Variants in ME1 observed in about 807,000 individuals in gnomAD.
The protein encoded by ME1 is NADP-dependent malic enzyme.
ME1 carries 74 observed loss-of-function variants against 66.4 expected under a neutral mutation model. The observed-to-expected ratio is 1.11, with a 90% CI of 0.92 to 1.35. The LOEUF (loss-of-function observed/expected upper bound fraction) is 1.35, where lower values mean the gene tolerates loss of function less well. Ranked by LOEUF, ME1 falls within the 40% of genes most tolerant of loss-of-function variation. The pLI, the probability that ME1 is intolerant of heterozygous loss-of-function variation, is 0.00. For missense variants in ME1, 750 were observed against 694.1 expected (o/e 1.08, Z -0.90); for synonymous variants, 251 against 235.6 (o/e 1.07, Z -0.60).
In ME1 at chr6:83,369,653, G is replaced by GAGGA. The variant is rs1340518163; in HGVS notation, c.363-17518_363-17515dup. 4.5e-3 allele frequency among the ~76,000 whole-genome samples: 636 copies of GAGGA among 141,582 alleles called. 21 individuals carry two copies. The highest frequency in any genetic ancestry group is 0.014 in the African/African-American group (504 of 35,700). 92.9% of individuals were successfully genotyped at this position (141,582 alleles called of 152,430 possible). A position where few individuals can be genotyped will look rare whatever the true frequency, so the allele number is the denominator to read the frequency against. ...AAAGAAAAGAAAAGAGAGACAGAGA[G>GAGGA]AGGAAGGAAGGAAGGAACGAAGGAA... On this transcript the variant is annotated intron_variant, in intron 3 of 13. Coordinates refer to ENST00000369705, the MANE Select transcript of ME1 (RefSeq NM_002395.6).
At chr6:83,333,077 C>T (rs1768445786) in intron 5 of ME1, among the ~76,000 whole-genome samples, 1 of 152,074 alleles carries the variant, frequency 6.6e-6, no homozygotes, top group Non-Finnish European at 1.5e-5. Flanking sequence ...TAACTGGCAG[C>T]TAATTCCATT....
chr6:83,251,593 C>T lies in ME1; in HGVS notation c.814+2036G>A, dbSNP rs567474046. ...GCCTATGAGGTGGAATTGACCCAGA[C>T]CCAGAAATTCAGAAGGGTTTAATGA... On this transcript the variant is annotated intron_variant, in intron 7 of 13. Transcript: ENST00000369705. Among the ~76,000 whole-genome samples, 419 of 152,072 alleles carry T rather than the reference C, an allele frequency of 2.8e-3. 4 individuals are homozygous for T. The highest frequency in any genetic ancestry group is 9.8e-3 in the African/African-American group (405 of 41,496).
chr6:83,273,422 T>C (rs563626999), intron 6 of ME1, among the ~76,000 whole-genome samples: 9 of 152,246 alleles, frequency 5.9e-5, no homozygotes, highest in African/African-American at 1.9e-4. Flanking sequence ...TTAAGACTTG[T>C]TTTTAAAAAC....
At chr6:83,314,284 C>G (rs982481320) in intron 6 of ME1, among the ~76,000 whole-genome samples, 3 of 152,118 alleles carry the variant, frequency 2.0e-5, no homozygotes, top group African/African-American at 7.2e-5. Context: ...AATCCAAAAT[C>G]CAAAATGCTC....
chr6:83,312,567 T>C (rs1364161694), intron 6 of ME1, among the ~76,000 whole-genome samples: 1 of 151,068 alleles, frequency 6.6e-6, no homozygotes, highest in Non-Finnish European at 1.5e-5. Context: ...GAGGGGGAGG[T>C]TGATGGGCAT....
At chr6:83,274,561 A>C (rs1767142054) in intron 6 of ME1, among the ~76,000 whole-genome samples, 1 of 152,216 alleles carries the variant, frequency 6.6e-6, no homozygotes, top group Non-Finnish European at 1.5e-5. Flanking sequence ...ATTTTTGTTG[A>C]ATATAAGTGA....
chr6:83,371,901 C>CT (rs1246367363), intron 3 of ME1, among the ~76,000 whole-genome samples: 2 of 152,132 alleles, frequency 1.3e-5, no homozygotes, highest in Non-Finnish European at 2.9e-5. Flanking sequence ...AGGGTACTTC[C>CT]TTTGGGGTGT....
At chr6:83,381,912 C>CT (rs1356561890) in intron 3 of ME1, among the ~76,000 whole-genome samples, 1 of 152,098 alleles carries the variant, frequency 6.6e-6, no homozygotes, top group Non-Finnish European at 1.5e-5. Context: ...TAATGAAACT[C>CT]TATCATGACC....
At chr6:83,368,216 C>T (rs1769135254) in intron 3 of ME1, among the ~76,000 whole-genome samples, 1 of 151,694 alleles carries the variant, frequency 6.6e-6, no homozygotes, top group Non-Finnish European at 1.5e-5. Flanking sequence ...GATATAAGAT[C>T]ACTATAAAAG....
chr6:83,259,342 T>G (rs1233977486), intron 6 of ME1, among the ~76,000 whole-genome samples: 5 of 152,164 alleles, frequency 3.3e-5, no homozygotes, highest in Non-Finnish European at 7.3e-5. Context: ...CAAAAGGATG[T>G]AAGCAAATAA....
chr6:83,224,582 G>A (rs1413307136), intron 11 of ME1, among the ~76,000 whole-genome samples: 1 of 151,050 alleles, frequency 6.6e-6, no homozygotes, highest in African/African-American at 2.4e-5. Context: ...TACTTGAGAG[G>A]CTGAGGCAGG....
At chr6:83,359,966 G>A (rs534139552) in intron 3 of ME1, among the ~76,000 whole-genome samples, 1 of 152,306 alleles carries the variant, frequency 6.6e-6, no homozygotes, top group African/African-American at 2.4e-5. Flanking sequence ...GAGAGCAGAG[G>A]CAATGCAGCA....
intron 7 of ME1, among the ~76,000 whole-genome samples, chr6:83,243,492 GTTATATTGATATAATCTATTATAATTATA>G (rs1295413533): frequency 1.9e-4 from 22 of 118,536 alleles, no homozygotes; most frequent in East Asian, 1.1e-3. Flanking sequence ...TTATAATTAT[GTTATATTGATATAATCTATTATAATTATA>G]TTATATCGAT....
chr6:83,223,612 CACCCCTTAT>C, intron 12 of ME1, 139 bp downstream of exon 12: 1 of 650,026 alleles, frequency 1.5e-6, no homozygotes, highest in Non-Finnish European at 2.5e-6. Flanking sequence ...ACATGCTACC[CACCCCTTAT>C]ACTCCACTGG....
chr6:83,360,798 G>A (rs1337613835), intron 3 of ME1, among the ~76,000 whole-genome samples: 2 of 152,204 alleles, frequency 1.3e-5, no homozygotes, highest in Non-Finnish European at 2.9e-5. Context: ...GTAGATTATT[G>A]TAAGCTTAAC....
At position 83,282,922 on chromosome 6, in the gene ME1, T is replaced by A. The variant is rs566901412; in HGVS notation, c.705-29184A>T. ...GGCACATATACAACATGGATTACTATGCAGCCATAAAAAATGATGAGTTCG... is the reference window on the plus strand; with the variant it reads ...GGCACATATACAACATGGATTACTAAGCAGCCATAAAAAATGATGAGTTCG... On this transcript the variant is annotated intron_variant, in intron 6 of 13. Transcript: ENST00000369705. Among the ~76,000 whole-genome samples the A allele has an allele frequency of 2.2e-3, 330 of 152,168 alleles. 3 individuals carry two copies. Among genetic ancestry groups the A allele is most frequent in the African/African-American group, 7.7e-3 (320 of 41,494 alleles).
chr6:83,410,352 C>T (rs181952256), intron 1 of ME1, among the ~76,000 whole-genome samples: 4 of 152,046 alleles, frequency 2.6e-5, no homozygotes, highest in Admixed American at 2.6e-4. Context: ...TGCTCAAAAA[C>T]CTGATTAGCA....
At chr6:83,266,412 T>C (rs1289154137) in intron 6 of ME1, among the ~76,000 whole-genome samples, 1 of 152,184 alleles carries the variant, frequency 6.6e-6, no homozygotes, top group Non-Finnish European at 1.5e-5. Flanking sequence ...TCTGGAATAA[T>C]GTCAAAGTCT....
chr6:83,387,041 C>A (rs1255421594), intron 3 of ME1, among the ~76,000 whole-genome samples: 1 of 152,116 alleles, frequency 6.6e-6, no homozygotes, highest in Non-Finnish European at 1.5e-5. Context: ...AGTCTTATTT[C>A]AAGCATTAAA....
Sources: gnomAD v4.1 joint callset for allele counts (sites outside exome capture counted in the v4.1 genomes callset) on GRCh38, gnomAD v4.1.1 for gene constraint, MANE v1.5 for transcripts, NCBI Gene and HGNC (gene_info 2026-07-23, HGNC 2026-07-21) for gene names.